The following BMERB1 variants were observed in gnomAD, a reference collection of about 807,000 sequenced individuals.
BMERB1 encodes bMERB domain containing 1, also known as bMERB domain-containing protein 1.
In BMERB1, 12 loss-of-function variants were observed where a neutral mutation model predicts 23.6. The observed-to-expected ratio is 0.51, with a 90% confidence interval of 0.33 to 0.82. The LOEUF (loss-of-function observed/expected upper bound fraction) is 0.82, where lower values mean the gene tolerates loss of function less well. Among genes scored for constraint, BMERB1 ranks in the 40% least tolerant of loss-of-function variants. The pLI, the probability that BMERB1 is intolerant of heterozygous loss-of-function variation, is 0.03. For synonymous variants in BMERB1, 122 were observed against 96.6 expected, an observed-to-expected ratio of 1.26 and a Z score of -1.54; for missense variants, 247 against 255.4, an observed-to-expected ratio of 0.97 and a Z score of 0.22.
chr16:15,584,893 C>T (rs1473437076), intron 5 of BMERB1, among the ~76,000 whole-genome samples: 1 of 152,194 alleles, frequency 6.6e-6, no homozygotes, highest in East Asian at 1.9e-4. Context: ...ATGTTCCCAC[C>T]TCTTAGATCC....
At chr16:15,508,247 G>A (rs2445475) in intron 1 of BMERB1, among the ~76,000 whole-genome samples, 77,370 of 151,898 alleles carry the variant, frequency 0.51, 21,558 homozygotes, top group Middle Eastern at 0.66. Flanking sequence ...TCGTTACTGG[G>A]TAAACCTGGC....
intron 2 of BMERB1, among the ~76,000 whole-genome samples, chr16:15,541,423 GTTTTTTTTTTTTT>G (rs869249451): frequency 1.1e-5 from 1 of 92,128 alleles, no homozygotes; most frequent in South Asian, 3.7e-4. Flanking sequence ...CCGCCGAATT[GTTTTTTTTTTTTT>G]TTTTTTTTTG....
chr16:15,546,972 G>T (rs1464177901), intron 2 of BMERB1, among the ~76,000 whole-genome samples: 5 of 150,514 alleles, frequency 3.3e-5, no homozygotes, highest in Non-Finnish European at 7.4e-5. Flanking sequence ...GAGGATTTCT[G>T]TTACATTCCA....
rs138726227 is a variant in BMERB1, at chr16:15,549,529, A to G, written c.231-18454A>G. On this transcript the variant is annotated intron_variant, in intron 2 of 5. Transcript: ENST00000300006. ...CCCTGTCTCTACTAAAAATACAAAT[A>G]TTAGCTGGGCGTGGTGGCGGGCGCC... Among the ~76,000 whole-genome samples the G allele has an allele frequency of 1.7e-4, 26 of 151,882 alleles. 1 individual carries two copies. In the East Asian group the frequency reaches 4.5e-3, roughly 26 times the overall value.
intron 1 of BMERB1, among the ~76,000 whole-genome samples, chr16:15,505,920 A>G (rs557112839): frequency 6.9e-4 from 105 of 152,002 alleles, no homozygotes; most frequent in African/African-American, 2.4e-3. Context: ...ATGTCATGAC[A>G]TACTGAGTGG....
intron 3 of BMERB1, among the ~76,000 whole-genome samples, chr16:15,574,907 C>T (rs1256691831): frequency 3.3e-5 from 5 of 152,032 alleles, no homozygotes; most frequent in Non-Finnish European, 4.4e-5. Context: ...GCGAGACCCC[C>T]GTCTCTACTA....
At chr16:15,550,371 C>T (rs1567494934) in intron 2 of BMERB1, among the ~76,000 whole-genome samples, 1 of 152,110 alleles carries the variant, frequency 6.6e-6, no homozygotes, top group Non-Finnish European at 1.5e-5. Context: ...CTCACTCTGT[C>T]ACCCAGGCCA....
At chr16:15,563,094 A>G (rs1171181458) in intron 2 of BMERB1, among the ~76,000 whole-genome samples, 2 of 152,094 alleles carry the variant, frequency 1.3e-5, no homozygotes, top group East Asian at 3.9e-4. Context: ...ATAAAGAACT[A>G]CCTGAGGCCG....
At chr16:15,533,350 A>G (rs1228652880) in intron 2 of BMERB1, among the ~76,000 whole-genome samples, 2 of 151,922 alleles carry the variant, frequency 1.3e-5, no homozygotes, top group Admixed American at 1.3e-4. Context: ...GATTTGTCTC[A>G]AAATATCTGA....
chr16:15,478,932 A>G (rs529867631), intron 1 of BMERB1, among the ~76,000 whole-genome samples: 1 of 152,326 alleles, frequency 6.6e-6, no homozygotes, highest in African/African-American at 2.4e-5. Flanking sequence ...CTGAAGCACA[A>G]TGGTTGTCTC....
intron 2 of BMERB1, among the ~76,000 whole-genome samples, chr16:15,539,438 TG>T (rs949311582): frequency 6.6e-6 from 1 of 152,166 alleles, no homozygotes; most frequent in African/African-American, 2.4e-5. Flanking sequence ...GTACTGGTGG[TG>T]GCTCAGGGGT....
chr16:15,488,995 C>A (rs2051392898), intron 1 of BMERB1, among the ~76,000 whole-genome samples: 1 of 151,774 alleles, frequency 6.6e-6, no homozygotes, highest in Non-Finnish European at 1.5e-5. Context: ...TCTGTTTATC[C>A]CTCAGCTTTT....
chr16:15,532,924 G>C, intron 2 of BMERB1: 1 of 446,846 alleles, frequency 2.2e-6, no homozygotes, highest in South Asian at 1.6e-5. Context: ...TGCCTGGTAA[G>C]TGTGTTTACT....
At chr16:15,537,438 T>TC (rs1301105938) in intron 2 of BMERB1, among the ~76,000 whole-genome samples, 4 of 151,744 alleles carry the variant, frequency 2.6e-5, no homozygotes, top group Non-Finnish European at 4.4e-5. Flanking sequence ...CACTGCAACC[T>TC]TGTCTCCCAA....
intron 2 of BMERB1, among the ~76,000 whole-genome samples, chr16:15,532,702 T>G (rs999234344): frequency 1.3e-5 from 2 of 151,866 alleles, no homozygotes; most frequent in Non-Finnish European, 2.9e-5. Flanking sequence ...CCTGCCACCA[T>G]GCCCGGCTAA....
intron 2 of BMERB1, among the ~76,000 whole-genome samples, chr16:15,557,844 A>G (rs1330099899): frequency 1.3e-5 from 2 of 152,154 alleles, no homozygotes; most frequent in Admixed American, 1.3e-4. Flanking sequence ...AAGGAGTTCA[A>G]GACCAGCCTG....
intron 1 of BMERB1, among the ~76,000 whole-genome samples, chr16:15,487,869 A>C (rs1397364879): frequency 2.6e-5 from 4 of 152,192 alleles, no homozygotes; most frequent in South Asian, 2.1e-4. Flanking sequence ...GTAATGCATT[A>C]TAATTAGTGT....
chr16:15,541,818 G>T (rs1260481950), intron 2 of BMERB1, among the ~76,000 whole-genome samples: 2 of 151,472 alleles, frequency 1.3e-5, no homozygotes, highest in East Asian at 3.9e-4. Context: ...TAGCCAGGAT[G>T]GTCTCGATCT....
At chr16:15,535,517 G>A (rs957288846) in intron 2 of BMERB1, among the ~76,000 whole-genome samples, 1 of 151,958 alleles carries the variant, frequency 6.6e-6, no homozygotes, top group South Asian at 2.1e-4. Context: ...GACTACAGTG[G>A]TGTGTCCCTG....
Sources: gnomAD v4.1 joint callset for allele counts (sites outside exome capture counted in the v4.1 genomes callset) on GRCh38, gnomAD v4.1.1 for gene constraint, MANE v1.5 for transcripts, NCBI Gene and HGNC (gene_info 2026-07-23, HGNC 2026-07-21) for gene names.